The following CLIP2 variants were observed in gnomAD, a reference collection of about 807,000 sequenced individuals.
CLIP2 encodes the protein CAP-Gly domain-containing linker protein 2.
In CLIP2, 41 loss-of-function variants were observed where a neutral mutation model predicts 111.7. The observed-to-expected ratio is 0.37, with a 90% CI of 0.29 to 0.48. The LOEUF is 0.48. CLIP2 is among the 20% of genes least tolerant of loss of function. The probability of loss-of-function intolerance (pLI) is 0.99; values close to 1 mark genes in which losing one functional copy is unlikely to be tolerated. For synonymous variants in CLIP2, 660 were observed against 644.2 expected (o/e 1.02, Z -0.37); for missense variants, 1,160 against 1,422.1 (o/e 0.82, Z 2.96).
chr7:74,384,948 C>T (rs1346296749), intron 11 of CLIP2, among the ~76,000 whole-genome samples: 1 of 151,232 alleles, frequency 6.6e-6, no homozygotes, highest in African/African-American at 2.4e-5. Flanking sequence ...TCAACACCAG[C>T]CTGGGAAACA....
intron 15 of CLIP2, 78 bp downstream of exon 15, chr7:74,400,633 G>C (rs1312345430): frequency 7.2e-7 from 1 of 1,380,860 alleles, no homozygotes; most frequent in African/African-American, 1.5e-5. Context: ...GATGCGGGAG[G>C]CAGCCTTGTC....
At chr7:74,341,163 A>G (rs1789650754) in intron 3 of CLIP2, among the ~76,000 whole-genome samples, 1 of 152,006 alleles carries the variant, frequency 6.6e-6, no homozygotes, top group African/African-American at 2.4e-5. Flanking sequence ...GGGGAAACTG[A>G]GGCTCAGGGA....
chr7:74,349,292 G>A (rs929749349), intron 3 of CLIP2, among the ~76,000 whole-genome samples: 11 of 150,940 alleles, frequency 7.3e-5, no homozygotes, highest in Non-Finnish European at 1.3e-4. Context: ...TTAGCTGGGC[G>A]TGGTGGCACG....
At chr7:74,320,936 G>A (rs1440153925) in intron 2 of CLIP2, among the ~76,000 whole-genome samples, 1 of 133,418 alleles carries the variant, frequency 7.5e-6, no homozygotes, top group Non-Finnish European at 1.7e-5. Context: ...CAACCCTGGG[G>A]CTGGGGCATG....
intron 7 of CLIP2, among the ~76,000 whole-genome samples, chr7:74,361,150 TCTTC>T (rs1233136719): frequency 3.2e-5 from 2 of 62,206 alleles, no homozygotes; most frequent in Admixed American, 1.6e-4. Context: ...CTTCCTTCCT[TCTTC>T]CCTCCCTCCC....
At chr7:74,390,162 G>GAAGAAAGAGAAAGAAAGAAAGA (rs1416282970) in intron 13 of CLIP2, among the ~76,000 whole-genome samples, 11 of 84,918 alleles carry the variant, frequency 1.3e-4, no homozygotes, top group Admixed American at 2.6e-4. Context: ...AAGAAAGAAA[G>GAAGAAAGAGAAAGAAAGAAAGA]AAGAAAGAAA....
chr7:74,338,605 C>A lies in CLIP2; in HGVS notation c.279C>A (p.Gly93=), dbSNP rs1554732624. The part of the protein sequence containing the change: ...ERVWVNGVKP[G]VVQYLGETQF... Reference sequence around the variant, plus strand: ...TGTGGGTGAACGGCGTGAAGCCAGGCGTGGTGCAGTATCTGGGAGAGACGC... The same window carrying A: ...TGTGGGTGAACGGCGTGAAGCCAGGAGTGGTGCAGTATCTGGGAGAGACGC... Residue 93 remains glycine, a synonymous_variant, in exon 3 of 17, where the codon GGC becomes GGA. Coordinates refer to ENST00000223398, the MANE Select transcript of CLIP2 (RefSeq NM_003388.5). The surrounding 1 kb of genome is among the most constrained non-coding windows in gnomAD (Gnocchi z 4.3). The A allele has an allele frequency of 6.4e-7, 1 of 1,567,084 alleles. No homozygotes were observed. Among genetic ancestry groups the A allele is most frequent in the Middle Eastern group, 1.7e-4 (1 of 5,942 alleles).
chr7:74,352,453 CAAAAA>C (rs559171930), intron 3 of CLIP2, among the ~76,000 whole-genome samples: 4 of 148,674 alleles, frequency 2.7e-5, no homozygotes, highest in Non-Finnish European at 4.5e-5. Flanking sequence ...AAAACAAAAA[CAAAAA>C]AAACACTAGG....
intron 14 of CLIP2, among the ~76,000 whole-genome samples, chr7:74,397,677 T>G (rs1469421897): frequency 6.9e-6 from 1 of 145,426 alleles, no homozygotes; most frequent in Non-Finnish European, 1.5e-5. Flanking sequence ...TTTTTTTTTT[T>G]TTTTTTTGAG....
At chr7:74,380,408 T>A (rs1790910596) in intron 10 of CLIP2, 1 of 157,172 alleles carries the variant, frequency 6.4e-6, no homozygotes, top group African/African-American at 2.4e-5. Flanking sequence ...AAGCAGCCAA[T>A]ATTTGTTTGA....
At chr7:74,297,082 C>T (rs1480232251) in intron 1 of CLIP2, among the ~76,000 whole-genome samples, 5 of 152,180 alleles carry the variant, frequency 3.3e-5, no homozygotes, top group African/African-American at 4.8e-5. Context: ...TGTCCTCAGT[C>T]AGCTTGGGCC....
At chr7:74,402,558 G>A (rs568144940) in intron 16 of CLIP2, among the ~76,000 whole-genome samples, 10 of 152,246 alleles carry the variant, frequency 6.6e-5, no homozygotes, top group African/African-American at 2.2e-4. Flanking sequence ...TAGGTGTGGT[G>A]GCGCATGCCT....
At chr7:74,356,017 G>A (rs138183024) in intron 4 of CLIP2, among the ~76,000 whole-genome samples, 1 of 152,178 alleles carries the variant, frequency 6.6e-6, no homozygotes, top group African/African-American at 2.4e-5. Flanking sequence ...GCTTTGCTGC[G>A]TAACCAGCTG....
At position 74,306,048 on chromosome 7, in the gene CLIP2, C is replaced by A. The variant is rs138479512; in HGVS notation, c.-67-11432C>A. On this transcript the variant is annotated intron_variant, in intron 1 of 16. Transcript: ENST00000223398. ...CTCATACTCTCTAGATCCCCTGCTGCCTTCCAGCCCCACCAGATCCTTGGG... is the reference window on the plus strand; with the variant it reads ...CTCATACTCTCTAGATCCCCTGCTGACTTCCAGCCCCACCAGATCCTTGGG... Among the ~76,000 whole-genome samples, 607 of 152,246 alleles carry A rather than the reference C, an allele frequency of 4.0e-3. 6 individuals carry two copies. The highest frequency in any genetic ancestry group is 0.014 in the African/African-American group (580 of 41,520).
At chr7:74,351,009 AAAG>A (rs1789974491) in intron 3 of CLIP2, among the ~76,000 whole-genome samples, 1 of 147,162 alleles carries the variant, frequency 6.8e-6, no homozygotes, top group African/African-American at 2.5e-5. Context: ...GGAGAGAAAG[AAAG>A]AAGGAAGGAA....
intron 2 of CLIP2, among the ~76,000 whole-genome samples, chr7:74,328,336 A>G (rs1789177416): frequency 6.6e-6 from 1 of 152,186 alleles, no homozygotes; most frequent in Non-Finnish European, 1.5e-5. Flanking sequence ...CTCAGGAGAG[A>G]AAGCCATTTG....
chr7:74,318,933 A>G (rs1788867743), intron 2 of CLIP2, among the ~76,000 whole-genome samples: 1 of 152,178 alleles, frequency 6.6e-6, no homozygotes, highest in African/African-American at 2.4e-5. Flanking sequence ...TTTGAGCCAA[A>G]ATCATGGGCA....
chr7:74,375,740 T>TGAGC, intron 9 of CLIP2, 147 bp from the exon 10 acceptor site: 1 of 604,914 alleles, frequency 1.7e-6, no homozygotes, highest in Non-Finnish European at 2.8e-6. Context: ...CAGGAGGGAG[T>TGAGC]GAGCGCCTTT....
At chr7:74,369,338 G>A (rs1790542694) in intron 8 of CLIP2, among the ~76,000 whole-genome samples, 1 of 151,138 alleles carries the variant, frequency 6.6e-6, no homozygotes, top group South Asian at 2.1e-4. Flanking sequence ...GCAACAGAGT[G>A]AGACTCTGTC....
Sources: gnomAD v4.1 joint callset for allele counts (sites outside exome capture counted in the v4.1 genomes callset) on GRCh38, gnomAD v4.1.1 for gene constraint, Gnocchi (gnomAD v3.1) non-coding constraint, MANE v1.5 for transcripts, NCBI Gene and HGNC (gene_info 2026-07-23, HGNC 2026-07-21) for gene names.